The following STPG4 variants were observed in gnomAD, a reference collection of about 807,000 sequenced individuals.
The protein encoded by STPG4 is sperm-tail PG-rich repeat containing 4.
In STPG4, 41 loss-of-function variants were observed where a neutral mutation model predicts 31.5. The ratio of observed to expected loss-of-function variants is 1.30; its 90% CI spans 1.01 to 1.69. The LOEUF (loss-of-function observed/expected upper bound fraction) is 1.69, where lower values mean the gene tolerates loss of function less well. Among genes scored for constraint, STPG4 ranks in the 40% most tolerant of loss-of-function variants. The pLI is 0.00. For missense variants in STPG4, 375 were observed against 293.4 expected (o/e 1.28, Z -2.03); for synonymous variants, 141 against 103.0 (o/e 1.37, Z -2.24).
intron 2 of STPG4, 117 bp downstream of exon 2, chr2:47,152,840 A>G (rs1168981621): frequency 1.2e-5 from 8 of 662,260 alleles, no homozygotes; most frequent in Non-Finnish European, 1.9e-5. Flanking sequence ...AGGTCCATGC[A>G]GATCTGAACA....
chr2:47,154,287 C>T (rs1485291269), intron 1 of STPG4, among the ~76,000 whole-genome samples: 1 of 152,152 alleles, frequency 6.6e-6, no homozygotes, highest in Non-Finnish European at 1.5e-5. Flanking sequence ...GATACTTCTT[C>T]GCGAGATTTA....
Position 47,133,570 on chromosome 2 carries a change from CTTTTTTTTT to C in STPG4, c.400-3319_400-3311del, listed in dbSNP as rs10682288. On this transcript the variant is annotated intron_variant, in intron 3 of 6. Coordinates refer to ENST00000445927, the MANE Select transcript of STPG4 (RefSeq NM_001163561.2). ...ATCCATGCTGATTAGGCACTCAAAT[CTTTTTTTTT>C]TTTTTTTTTTTTTTTGAGACTGAGT... Among the ~76,000 whole-genome samples, 3 of 67,142 alleles carry C rather than the reference CTTTTTTTTT, an allele frequency of 4.5e-5. 1 individual carries two copies. Among genetic ancestry groups the C allele is most frequent in the South Asian group, 6.6e-4 (1 of 1,510 alleles). The allele number at this position is 67,142 out of a possible 152,430, so 44.0% of individuals were successfully genotyped here.
chr2:47,151,450 C>G lies in STPG4; in HGVS notation c.207G>C (p.Val69=). Residue 69 remains valine (V), a synonymous_variant, in exon 3 of 7, where the codon GTG becomes GTC. Transcript: ENST00000445927. ...CGTTTTTAAAATTGTAGGTTGCTAT[C>G]ACTGGATTTAATAGGGATTCTTCAA... The part of the protein sequence containing the change: ...TFIEESLLNP[V]IATYNFKNEG... 6.2e-7 allele frequency: 1 copy of G among 1,613,976 alleles called. No individual in the cohort carries two copies. The highest frequency in any genetic ancestry group is 8.5e-7 in the Non-Finnish European group (1 of 1,179,836).
intron 5 of STPG4, among the ~76,000 whole-genome samples, chr2:47,104,374 C>A (rs1437883408): frequency 6.6e-6 from 1 of 151,952 alleles, no homozygotes; most frequent in Non-Finnish European, 1.5e-5. Context: ...AGTAAAAAAA[C>A]CAAACGGTCA....
chr2:47,106,315 A>G (rs1404045406), intron 5 of STPG4, among the ~76,000 whole-genome samples: 1 of 151,804 alleles, frequency 6.6e-6, no homozygotes, highest in African/African-American at 2.4e-5. Context: ...CAACATTAAC[A>G]TTGCCCCAGG....
Position 47,151,340 on chromosome 2 carries a change from T to A in STPG4, c.317A>T (p.Asp106Val). 3 of 1,614,212 alleles carry A rather than the reference T, an allele frequency of 1.9e-6. No individual in the cohort carries two copies. Among genetic ancestry groups the A allele is most frequent in the Non-Finnish European group, 2.5e-6 (3 of 1,180,022 alleles). ...LPQYMPPDFL[D>V]LLKKQVATYS... ...AGTAGCCACTTGCTTCTTTAACAGGTCCAGGAAGTCAGGAGGCATATACTG... is the reference window on the plus strand; with the variant it reads ...AGTAGCCACTTGCTTCTTTAACAGGACCAGGAAGTCAGGAGGCATATACTG... The change falls in exon 3 of 7, where the codon GAC (aspartate) becomes GTC (valine). Residue 106 changes from aspartate to valine, a missense_variant. Transcript: ENST00000445927.
At chr2:47,145,588 A>G (rs1573198170) in intron 3 of STPG4, among the ~76,000 whole-genome samples, 3 of 152,256 alleles carry the variant, frequency 2.0e-5, no homozygotes, top group Admixed American at 6.5e-5. Context: ...CATTTTCAAG[A>G]GTAACGAGCA....
At position 47,151,441 on chromosome 2, in the gene STPG4, G is replaced by T. The variant is rs1235261148; in HGVS notation, c.216C>A (p.Thr72=). 6.2e-7 allele frequency: 1 copy of T among 1,614,026 alleles called. No individual in the cohort carries two copies. Among genetic ancestry groups the T allele is most frequent in the Admixed American group, 1.7e-5 (1 of 60,016 alleles). The change falls in exon 3 of 7, where the codon ACC becomes ACA. Residue 72 remains threonine (T), a synonymous_variant. Transcript: ENST00000445927. Reference sequence around the variant, plus strand: ...TCCTTCCTTCGTTTTTAAAATTGTAGGTTGCTATCACTGGATTTAATAGGG... The same window carrying T: ...TCCTTCCTTCGTTTTTAAAATTGTATGTTGCTATCACTGGATTTAATAGGG... The part of the protein sequence containing the change: ...EESLLNPVIA[T]YNFKNEGRKK...
At chr2:47,117,986 C>T (rs576115365) in intron 5 of STPG4, among the ~76,000 whole-genome samples, 59 of 151,604 alleles carry the variant, frequency 3.9e-4, no homozygotes, top group African/African-American at 1.3e-3. Flanking sequence ...GTCTTGAACT[C>T]TTGGTCTCAA....
At chr2:47,138,836 C>G (rs1686649606) in intron 3 of STPG4, among the ~76,000 whole-genome samples, 1 of 152,212 alleles carries the variant, frequency 6.6e-6, no homozygotes, top group Non-Finnish European at 1.5e-5. Flanking sequence ...GCATGAGCCA[C>G]TGCACCTGGC....
chr2:47,101,075 C>T (rs1481720487), intron 5 of STPG4, among the ~76,000 whole-genome samples: 3 of 151,884 alleles, frequency 2.0e-5, no homozygotes, highest in Admixed American at 6.6e-5. Context: ...CATCACCTAT[C>T]GCCAAGCAGT....
intron 3 of STPG4, among the ~76,000 whole-genome samples, chr2:47,132,682 C>T (rs1686510216): frequency 6.6e-6 from 1 of 152,170 alleles, no homozygotes; most frequent in Admixed American, 6.5e-5. Flanking sequence ...TGGGGGCCAG[C>T]AATGTCCTAT....
chr2:47,125,688 G>C (rs1573179085), intron 5 of STPG4, among the ~76,000 whole-genome samples: 1 of 150,768 alleles, frequency 6.6e-6, no homozygotes, highest in East Asian at 2.0e-4. Flanking sequence ...TCAATGTTTT[G>C]TTTTGATAAT....
chr2:47,117,857 G>A (rs1686182697), intron 5 of STPG4, among the ~76,000 whole-genome samples: 1 of 151,942 alleles, frequency 6.6e-6, no homozygotes. Flanking sequence ...GGGGAAACCT[G>A]GCCTCATGAT....
In STPG4 at chr2:47,151,462, T is replaced by C. The variant is rs1197023564; in HGVS notation, c.195A>G (p.Leu65=). The C allele has an allele frequency of 1.9e-6, 3 of 1,613,912 alleles. No homozygotes were observed. The highest frequency in any genetic ancestry group is 8.5e-7 in the Non-Finnish European group (1 of 1,179,866). The change falls in exon 3 of 7, where the codon CTA becomes CTG. Residue 65 remains leucine, a synonymous_variant. Coordinates refer to ENST00000445927, the MANE Select transcript of STPG4 (RefSeq NM_001163561.2). ...YHLKTFIEES[L]LNPVIATYNF... The stretch of plus-strand genomic sequence containing the variant: ...TGTAGGTTGCTATCACTGGATTTAA[T>C]AGGGATTCTTCAATAAAAGTTTTCA...
intron 6 of STPG4, 84 bp from the exon 7 acceptor site, chr2:47,087,214 G>A: frequency 6.8e-7 from 1 of 1,472,308 alleles, no homozygotes. Flanking sequence ...TGGCTTGGAT[G>A]TGGTGGACAA....
At chr2:47,142,836 CTT>C (rs10686388) in intron 3 of STPG4, among the ~76,000 whole-genome samples, 2 of 73,848 alleles carry the variant, frequency 2.7e-5, no homozygotes, top group African/African-American at 1.1e-4. Context: ...TTTATCTCAT[CTT>C]TTTTTTTTTT....
intron 3 of STPG4, among the ~76,000 whole-genome samples, chr2:47,146,238 G>A (rs187401613): frequency 3.2e-4 from 49 of 152,240 alleles, no homozygotes; most frequent in Admixed American, 1.6e-3. Context: ...CCAGGAGCAC[G>A]GCAACGTCTG....
At chr2:47,117,635 G>C (rs1234624511) in intron 5 of STPG4, among the ~76,000 whole-genome samples, 1 of 152,182 alleles carries the variant, frequency 6.6e-6, no homozygotes. Context: ...GTTTGTGTGT[G>C]CTTGCGTGTA....
Sources: allele counts gnomAD v4.1 joint callset (sites outside exome capture counted in the v4.1 genomes callset), GRCh38; gene constraint gnomAD v4.1.1; transcripts MANE v1.5; gene names NCBI Gene and HGNC (gene_info 2026-07-23, HGNC 2026-07-21).